The following MAP3K7CL variants were observed in gnomAD, a reference collection of about 807,000 sequenced individuals.
MAP3K7CL encodes the protein MAP3K7 C-terminal-like protein.
A neutral mutation model predicts 18.6 loss-of-function variants in MAP3K7CL; 16 were observed. The ratio of observed to expected loss-of-function variants is 0.86; its 90% CI spans 0.58 to 1.31. MAP3K7CL has a LOEUF of 1.31. Ranked by LOEUF, MAP3K7CL falls within the 50% of genes most tolerant of loss-of-function variation. MAP3K7CL has a pLI of 0.00. For missense variants in MAP3K7CL, 163 were observed against 174.4 expected, an observed-to-expected ratio of 0.93 and a Z score of 0.37; for synonymous variants, 65 against 66.8, an observed-to-expected ratio of 0.97 and a Z score of 0.13.
chr21:29,161,077 G>A (rs955512512), intron 4 of MAP3K7CL, among the ~76,000 whole-genome samples: 16 of 152,232 alleles, frequency 1.1e-4, no homozygotes, highest in Admixed American at 9.2e-4. Context: ...TTAGGAGGCC[G>A]AGGCTGGTAG....
At chr21:29,091,630 C>T (rs781452941) in intron 2 of MAP3K7CL, 1 of 701,288 alleles carries the variant, frequency 1.4e-6, no homozygotes, top group South Asian at 1.5e-5. Flanking sequence ...CGTGCACCAC[C>T]ACATCCAGCT....
At chr21:29,122,294 G>T (rs985528868) in intron 4 of MAP3K7CL, 2 of 152,044 alleles carry the variant, frequency 1.3e-5, no homozygotes, top group Non-Finnish European at 2.9e-5. Context: ...GACAGCATCT[G>T]GGGGGGTACC....
intron 3 of MAP3K7CL, among the ~76,000 whole-genome samples, chr21:29,159,618 G>A (rs1384304135): frequency 2.0e-5 from 3 of 152,148 alleles, no homozygotes; most frequent in Non-Finnish European, 4.4e-5. Context: ...CGGGGAGTAC[G>A]GTAGAATCCT....
intron 4 of MAP3K7CL, among the ~76,000 whole-genome samples, chr21:29,173,628 A>T (rs2087895257): frequency 6.6e-6 from 1 of 152,218 alleles, no homozygotes; most frequent in African/African-American, 2.4e-5. Flanking sequence ...GACCTCCATG[A>T]TGGAGACAGA....
intron 1 of MAP3K7CL, among the ~76,000 whole-genome samples, chr21:29,090,975 A>G (rs1425766468): frequency 1.3e-5 from 2 of 152,132 alleles, no homozygotes; most frequent in Non-Finnish European, 2.9e-5. Flanking sequence ...CAACTTACCA[A>G]TTTTATCATT....
At chr21:29,142,326 TA>T (rs1307511937) in intron 2 of MAP3K7CL, among the ~76,000 whole-genome samples, 5 of 152,154 alleles carry the variant, frequency 3.3e-5, no homozygotes, top group Non-Finnish European at 7.4e-5. Flanking sequence ...CTCAGCCTCC[TA>T]AAGTGCTGGA....
intron 1 of MAP3K7CL, among the ~76,000 whole-genome samples, chr21:29,088,864 G>T (rs2085970892): frequency 6.6e-6 from 1 of 151,978 alleles, no homozygotes; most frequent in Non-Finnish European, 1.5e-5. Flanking sequence ...TCCTTGTTTT[G>T]CACTAAAGAG....
At chr21:29,102,687 C>T (rs2086254245) in intron 4 of MAP3K7CL, 1 of 152,020 alleles carries the variant, frequency 6.6e-6, no homozygotes, top group African/African-American at 2.4e-5. Flanking sequence ...ACTAGGTTCC[C>T]TTTTTAAAAG....
chr21:29,079,629 G>A (rs1362790106), intron 1 of MAP3K7CL, among the ~76,000 whole-genome samples: 1 of 152,216 alleles, frequency 6.6e-6, no homozygotes, highest in Non-Finnish European at 1.5e-5. Flanking sequence ...GCAAGAATTG[G>A]TGGTGCACTC....
intron 2 of MAP3K7CL, among the ~76,000 whole-genome samples, chr21:29,142,670 G>C (rs980740966): frequency 1.3e-5 from 2 of 152,144 alleles, no homozygotes; most frequent in Non-Finnish European, 1.5e-5. Flanking sequence ...GAAAAAGAAT[G>C]AAAAATGAAC....
intron 4 of MAP3K7CL, among the ~76,000 whole-genome samples, chr21:29,172,685 A>G (rs2087869884): frequency 6.6e-6 from 1 of 152,212 alleles, no homozygotes; most frequent in South Asian, 2.1e-4. Flanking sequence ...ATGCAGACAT[A>G]CGTAGAAGTA....
chr21:29,087,184 G>A (rs2085939579), intron 1 of MAP3K7CL, among the ~76,000 whole-genome samples: 1 of 152,146 alleles, frequency 6.6e-6, no homozygotes, highest in South Asian at 2.1e-4. Flanking sequence ...TGTGGTTGAT[G>A]CCTCCTTCAG....
Position 29,089,395 on chromosome 21 carries a change from ATGT to A in MAP3K7CL, c.58-2104_58-2102del, listed in dbSNP as rs751508532. 9.8e-5 allele frequency among the ~76,000 whole-genome samples: 14 copies of A among 143,484 alleles called. No individual in the cohort carries two copies. In the East Asian group the frequency reaches 2.1e-3, roughly 22 times the overall value. 94.1% of individuals were successfully genotyped at this position (143,484 alleles called of 152,430 possible). A position where few individuals can be genotyped will look rare whatever the true frequency, so the allele number is the denominator to read the frequency against. On this transcript the variant is annotated intron_variant, in intron 1 of 6. Transcript: ENST00000286791. ...AGTGTTTGATAAAGTAAAAATAATG[ATGT>A]TATTATTATCTATCTCACATACATT...
At chr21:29,125,133 A>G (rs778600713) in intron 4 of MAP3K7CL, among the ~76,000 whole-genome samples, 2 of 152,072 alleles carry the variant, frequency 1.3e-5, no homozygotes, top group African/African-American at 2.4e-5. Flanking sequence ...AATGATTTCT[A>G]TTTACATAGT....
chr21:29,155,430 A>G (rs1301780044), intron 3 of MAP3K7CL, among the ~76,000 whole-genome samples: 1 of 152,082 alleles, frequency 6.6e-6, no homozygotes, highest in Non-Finnish European at 1.5e-5. Context: ...GAAAACGGAA[A>G]CGCCCGAGCC....
upstream of MAP3K7CL, among the ~76,000 whole-genome samples, chr21:29,082,859 G>A (rs561413742): frequency 6.6e-6 from 1 of 152,074 alleles, no homozygotes; most frequent in East Asian, 1.9e-4. Flanking sequence ...AGAAAATACT[G>A]GGATCAATTT....
upstream of MAP3K7CL, among the ~76,000 whole-genome samples, chr21:29,129,753 A>G (rs1190906256): frequency 6.6e-6 from 1 of 152,240 alleles, no homozygotes; most frequent in Non-Finnish European, 1.5e-5. Context: ...ATATACTATT[A>G]TGTTTTCATT....
chr21:29,105,158 A>G (rs2086299137), intron 4 of MAP3K7CL, among the ~76,000 whole-genome samples: 2 of 152,180 alleles, frequency 1.3e-5, no homozygotes, highest in Non-Finnish European at 2.9e-5. Flanking sequence ...TCTCTGGGCA[A>G]TTCCTCATTT....
chr21:29,081,297 C>T (rs1003845235), upstream of MAP3K7CL, among the ~76,000 whole-genome samples: 2 of 152,230 alleles, frequency 1.3e-5, no homozygotes, highest in African/African-American at 4.8e-5. Flanking sequence ...CGCCTATAAT[C>T]CCAGCACTTT....
Sources: gnomAD v4.1 joint callset for allele counts (sites outside exome capture counted in the v4.1 genomes callset) on GRCh38, gnomAD v4.1.1 for gene constraint, MANE v1.5 for transcripts, NCBI Gene and HGNC (gene_info 2026-07-23, HGNC 2026-07-21) for gene names.